CBFA2T3: variants seen among roughly 807,000 people sequenced by gnomAD.
The protein encoded by CBFA2T3 is transcriptional corepressor CBFA2T3.
A neutral mutation model predicts 58.6 loss-of-function variants in CBFA2T3; 31 were observed. The observed-to-expected ratio is 0.53, with a 90% CI of 0.40 to 0.71. The LOEUF (loss-of-function observed/expected upper bound fraction) is 0.71, where lower values mean the gene tolerates loss of function less well. Ranked by LOEUF, CBFA2T3 falls within the 30% of genes least tolerant of loss-of-function variation. The pLI is 0.00. For missense variants in CBFA2T3, 1,076 were observed against 963.1 expected, an observed-to-expected ratio of 1.12 and a Z score of -1.55; for synonymous variants, 531 against 421.9, an observed-to-expected ratio of 1.26 and a Z score of -3.17.
At chr16:88,917,653 T>C (rs1970780390) in intron 1 of CBFA2T3, among the ~76,000 whole-genome samples, 1 of 152,154 alleles carries the variant, frequency 6.6e-6, no homozygotes, top group South Asian at 2.1e-4. Context: ...CCACTGCCGG[T>C]GTGGACGCTA....
At chr16:88,938,777 T>C (rs1428687185) in intron 1 of CBFA2T3, 2 of 152,206 alleles carry the variant, frequency 1.3e-5, no homozygotes, top group South Asian at 2.1e-4. Context: ...GGAAGGAAAT[T>C]CAGAGCCACT....
chr16:88,940,624 G>A (rs1433492089), intron 1 of CBFA2T3, among the ~76,000 whole-genome samples: 1 of 152,170 alleles, frequency 6.6e-6, no homozygotes, highest in Non-Finnish European at 1.5e-5. Flanking sequence ...GCAGGAGGGA[G>A]CTCTGGACCC....
chr16:88,975,120 G>GATCCTCT lies in CBFA2T3; in HGVS notation c.151+1536_151+1537insAGAGGAT, dbSNP rs1567643739. Among the ~76,000 whole-genome samples, 56 of 108,068 alleles carry GATCCTCT rather than the reference G, an allele frequency of 5.2e-4. 2 individuals carry two copies. The highest frequency in any genetic ancestry group is 1.3e-3 in the African/African-American group (43 of 33,276). The allele number at this position is 108,068 out of a possible 152,430, so 70.9% of individuals were successfully genotyped here. On this transcript the variant is annotated intron_variant, in intron 1 of 11. Transcript: ENST00000268679. ...GGTACTCTGTGTTAGAGGCCACCCT[G>GATCCTCT]GCCCTCTGCTCCTGACCTGCAGCCA...
At chr16:88,904,284 G>T (rs552236131) in intron 1 of CBFA2T3, among the ~76,000 whole-genome samples, 1 of 152,244 alleles carries the variant, frequency 6.6e-6, no homozygotes, top group African/African-American at 2.4e-5. Flanking sequence ...GATCCTTCTC[G>T]GTGCTCTGCA....
At chr16:88,964,875 G>C (rs1195871809) in intron 1 of CBFA2T3, among the ~76,000 whole-genome samples, 2 of 138,320 alleles carry the variant, frequency 1.4e-5, no homozygotes, top group Admixed American at 1.4e-4. Flanking sequence ...CTATCCAACT[G>C]TCCATCCATC....
chr16:88,880,696 C>A, intron 10 of CBFA2T3, 24 bp downstream of exon 10: 1 of 1,550,644 alleles, frequency 6.4e-7, no homozygotes, highest in African/African-American at 1.4e-5. Context: ...GCTCTGCTGG[C>A]CAGGCCCCTG....
At chr16:88,902,442 C>T (rs1970136416) in intron 1 of CBFA2T3, 1 of 152,272 alleles carries the variant, frequency 6.6e-6, no homozygotes, top group African/African-American at 2.4e-5. Context: ...GTCTGAGGCT[C>T]CCTGAAGTCT....
intron 1 of CBFA2T3, chr16:88,941,116 A>C: frequency 1.0e-6 from 1 of 983,124 alleles, no homozygotes; most frequent in Non-Finnish European, 1.2e-6. Context: ...CCCCGCCTCC[A>C]CGACTCAGGG....
At chr16:88,901,731 C>A (rs921346353) in intron 1 of CBFA2T3, 75 bp from the exon 2 acceptor site, 1 of 1,347,628 alleles carries the variant, frequency 7.4e-7, no homozygotes, top group African/African-American at 1.6e-5. Context: ...CCCCACGGTT[C>A]CCAGCGAAGG....
intron 1 of CBFA2T3, among the ~76,000 whole-genome samples, chr16:88,966,800 G>C (rs1972515497): frequency 1.3e-5 from 2 of 152,194 alleles, no homozygotes; most frequent in Non-Finnish European, 2.9e-5. Flanking sequence ...GGCTTGCAGA[G>C]CCACCCAGAT....
chr16:88,906,065 G>C (rs1029173729), intron 1 of CBFA2T3, among the ~76,000 whole-genome samples: 3 of 151,182 alleles, frequency 2.0e-5, no homozygotes, highest in South Asian at 2.1e-4. Flanking sequence ...GTGCGCAGCA[G>C]GGGGGTCCAG....
chr16:88,923,008 C>T (rs962785309), intron 1 of CBFA2T3, among the ~76,000 whole-genome samples: 9 of 152,228 alleles, frequency 5.9e-5, no homozygotes, highest in African/African-American at 1.7e-4. Context: ...ACCAGCTCTA[C>T]ACGGCTCTTT....
intron 1 of CBFA2T3, chr16:88,951,501 AT>A: frequency 2.7e-6 from 1 of 367,486 alleles, no homozygotes; most frequent in Non-Finnish European, 5.3e-6. Flanking sequence ...GCTTTTTTAA[AT>A]TAAAAAATCA....
chr16:88,954,393 GACCCTACCCAAGAC>G, intron 1 of CBFA2T3, among the ~76,000 whole-genome samples: 22 of 136,868 alleles, frequency 1.6e-4, no homozygotes, highest in African/African-American at 5.9e-4. Flanking sequence ...CAAGACTCCT[GACCCTACCCAAGAC>G]TCCTGACCCC....
chr16:88,927,198 C>G (rs999616236), intron 1 of CBFA2T3, among the ~76,000 whole-genome samples: 1 of 152,210 alleles, frequency 6.6e-6, no homozygotes, highest in Non-Finnish European at 1.5e-5. Flanking sequence ...CACCGCCTAA[C>G]GAGTTGGGTC....
intron 1 of CBFA2T3, among the ~76,000 whole-genome samples, chr16:88,924,889 G>A (rs892118789): frequency 5.3e-5 from 8 of 152,212 alleles, no homozygotes; most frequent in Admixed American, 2.6e-4. Flanking sequence ...CCACCTCACT[G>A]AGTGCTCTCT....
In CBFA2T3 at chr16:88,877,271, C is replaced by A; in HGVS notation, c.1667G>T (p.Cys556Phe). ...INQQEDSSESCWNCGRKASET... is the reference protein window; with the variant it reads ...INQQEDSSESFWNCGRKASET... ...ACTGGCTTTCCGCCCGCAGTTCCAG[C>A]AGCTCTGGGTGGGGGCAGAGGGGCC... The change falls in exon 12 of 12, where the codon TGC (cysteine) becomes TTC (phenylalanine). Residue 556 changes from cysteine to phenylalanine, a missense_variant. Coordinates refer to ENST00000268679, the MANE Select transcript of CBFA2T3 (RefSeq NM_005187.6). 6.5e-7 allele frequency: 1 copy of A among 1,547,372 alleles called. No homozygotes were observed. Among genetic ancestry groups the A allele is most frequent in the Non-Finnish European group, 8.7e-7 (1 of 1,146,100 alleles).
At chr16:88,895,373 G>A (rs775015146) in intron 3 of CBFA2T3, among the ~76,000 whole-genome samples, 4 of 152,266 alleles carry the variant, frequency 2.6e-5, no homozygotes, top group South Asian at 4.1e-4. Context: ...TGCGAAGTGC[G>A]CCCGGGTCAG....
intron 1 of CBFA2T3, among the ~76,000 whole-genome samples, chr16:88,967,551 T>C (rs1412625973): frequency 6.6e-6 from 1 of 152,154 alleles, no homozygotes; most frequent in Non-Finnish European, 1.5e-5. Flanking sequence ...CCCAACCCCT[T>C]GATCCCATCT....
Sources: allele counts gnomAD v4.1 joint callset (sites outside exome capture counted in the v4.1 genomes callset), GRCh38; gene constraint gnomAD v4.1.1; transcripts MANE v1.5; gene names NCBI Gene and HGNC (gene_info 2026-07-23, HGNC 2026-07-21).